FAM98B: variants seen among roughly 807,000 people sequenced by gnomAD.
The protein encoded by FAM98B is tRNA splicing ligase complex subunit 3B.
Under a neutral mutation model 43.9 loss-of-function variants are expected in FAM98B, and 32 were observed. That is an observed-to-expected ratio of 0.73 (90% CI 0.55 to 0.98). The LOEUF (loss-of-function observed/expected upper bound fraction) is 0.98. Ranked by LOEUF, FAM98B falls within the 50% of genes least tolerant of loss-of-function variation. The pLI, the probability that FAM98B is intolerant of heterozygous loss-of-function variation, is 0.00. For synonymous variants in FAM98B, 190 were observed against 174.0 expected (o/e 1.09, Z -0.72); for missense variants, 514 against 522.9 (o/e 0.98, Z 0.17).
At chr15:38,476,882 T>A (rs1275541517) in intron 6 of FAM98B, among the ~76,000 whole-genome samples, 1 of 152,094 alleles carries the variant, frequency 6.6e-6, no homozygotes, top group Non-Finnish European at 1.5e-5. Flanking sequence ...TCCCAGCTAC[T>A]CAGGAGGCTG....
chr15:38,467,835 C>G (rs1425252512), intron 3 of FAM98B, among the ~76,000 whole-genome samples: 1 of 152,074 alleles, frequency 6.6e-6, no homozygotes, highest in East Asian at 1.9e-4. Context: ...GCAGATAAAT[C>G]AAATGTGCTG....
At position 38,474,318 on chromosome 15, in the gene FAM98B, T is replaced by A. The variant is rs567645575; in HGVS notation, c.729+20T>A. Reference sequence around the variant, plus strand: ...GCAAAGGTAAGGCTGTTTTCCCATATGTGTCCTGTAGGTGGTAGCCTATAA... The same window carrying A: ...GCAAAGGTAAGGCTGTTTTCCCATAAGTGTCCTGTAGGTGGTAGCCTATAA... On this transcript the variant is annotated intron_variant, in intron 6 of 7. Transcript: ENST00000397609. 1.8e-5 allele frequency: 28 copies of A among 1,555,882 alleles called. No homozygotes were observed. The South Asian group carries it at 3.1e-4, about 17-fold the overall frequency.
chr15:38,481,668 G>A (rs1213521347), intron 7 of FAM98B: 1 of 1,372,278 alleles, frequency 7.3e-7, no homozygotes, highest in Non-Finnish European at 9.7e-7. Context: ...AGTATTTTCT[G>A]AATTAGAGGA....
intron 7 of FAM98B, 131 bp downstream of exon 7, chr15:38,481,590 C>G (rs760446687): frequency 8.7e-6 from 14 of 1,607,550 alleles, no homozygotes; most frequent in Non-Finnish European, 1.2e-5. Flanking sequence ...GGGGTTCAGT[C>G]TAGGCTTAGT....
chr15:38,459,174 A>T (rs752496269), intron 1 of FAM98B: 24 of 394,752 alleles, frequency 6.1e-5, no homozygotes, highest in Non-Finnish European at 1.0e-4. Context: ...CTCTGTAGGC[A>T]CTGTGAAGCT....
rs1280544664 is a variant in FAM98B at position 38,486,309 on chromosome 15, A to G, written c.*1650A>G. 1 of 152,174 alleles carries G rather than the reference A, an allele frequency of 6.6e-6. No individual in the cohort carries two copies. Among genetic ancestry groups the G allele is most frequent in the Non-Finnish European group, 1.5e-5 (1 of 67,990 alleles). 9.4% of individuals were successfully genotyped at this position (152,174 alleles called of 1,614,324 possible). On this transcript the variant is annotated 3_prime_UTR_variant, in exon 8 of 8. Coordinates refer to ENST00000397609, the MANE Select transcript of FAM98B (RefSeq NM_173611.4). The stretch of plus-strand genomic sequence containing the variant: ...TTTCCATAATTAAGAAAATACCTTT[A>G]TCAGTAGCTATGAACTCTGAAAAAT...
In FAM98B at chr15:38,484,690, T is replaced by G; in HGVS notation, c.*31T>G. ...ATAAAAATTAGATAGCAGTGCTTGC[T>G]TCTTTATAGATACATTAGAAATAGT... On this transcript the variant is annotated 3_prime_UTR_variant, in exon 8 of 8. Transcript: ENST00000397609. 6.7e-7 allele frequency: 1 copy of G among 1,501,028 alleles called. No homozygotes were observed. The highest frequency in any genetic ancestry group is 8.8e-7 in the Non-Finnish European group (1 of 1,133,322). 93.0% of individuals were successfully genotyped at this position (1,501,028 alleles called of 1,614,324 possible). A position where few individuals can be genotyped will look rare whatever the true frequency, so the allele number is the denominator to read the frequency against.
At chr15:38,456,521 A>G (rs192124167) in intron 1 of FAM98B, among the ~76,000 whole-genome samples, 10 of 152,336 alleles carry the variant, frequency 6.6e-5, no homozygotes, top group Admixed American at 3.3e-4. Context: ...TGAGCAAAAT[A>G]GACTTGGTTC....
At chr15:38,471,224 A>G (rs1890126832) in intron 4 of FAM98B, among the ~76,000 whole-genome samples, 1 of 152,092 alleles carries the variant, frequency 6.6e-6, no homozygotes. Context: ...TAATTTATGA[A>G]CTGAAAAATA....
At position 38,486,555 on chromosome 15, in the gene FAM98B, A is replaced by C. The variant is rs1890375375; in HGVS notation, c.*1896A>C. On this transcript the variant is annotated 3_prime_UTR_variant, in exon 8 of 8. Transcript: ENST00000397609. ...TTATCAGTTTCATTAGATTTTCCAT[A>C]AGATTTCTTTGTACCTTTATAGGAG... The C allele has an allele frequency of 6.6e-6, 1 of 152,160 alleles. No homozygotes were observed. Among genetic ancestry groups the C allele is most frequent in the Non-Finnish European group, 1.5e-5 (1 of 67,996 alleles). 9.4% of individuals were successfully genotyped at this position (152,160 alleles called of 1,614,324 possible).
chr15:38,481,335 A>G lies in FAM98B; in HGVS notation c.773A>G (p.Tyr258Cys), dbSNP rs755739118. 3.7e-6 allele frequency: 6 copies of G among 1,614,040 alleles called. No homozygotes were observed. Among genetic ancestry groups the G allele is most frequent in the Non-Finnish European group, 4.2e-6 (5 of 1,180,030 alleles). Residue 258 changes from tyrosine (Y) to cysteine (C), a missense_variant, in exon 7 of 8, where the codon TAT becomes TGT. By Grantham distance (194) the Tyr-to-Cys change is radical. This residue lies in a region of FAM98B where 469 missense variants were observed against 451.8 expected (regional missense o/e 1.04). Transcript: ENST00000397609. ...GCAAGAATTTATCAGCCTAAGCGTTATGCTTTGTCACCCAAGACAACGATT... is the reference window on the plus strand; with the variant it reads ...GCAAGAATTTATCAGCCTAAGCGTTGTGCTTTGTCACCCAAGACAACGATT... The part of the protein sequence containing the change: ...DIARIYQPKR[Y>C]ALSPKTTITM...
intron 4 of FAM98B, among the ~76,000 whole-genome samples, chr15:38,471,209 G>A (rs74562839): frequency 0.02 from 3,012 of 152,056 alleles, 105 homozygotes; most frequent in East Asian, 0.13. Flanking sequence ...TCTCTTTTGC[G>A]TTGATAATTT....
intron 3 of FAM98B, among the ~76,000 whole-genome samples, chr15:38,468,299 G>A (rs28488334): frequency 0.062 from 9,488 of 152,142 alleles, 782 homozygotes; most frequent in African/African-American, 0.19. Context: ...GTGATGGTGC[G>A]ATTGTAGCCC....
At chr15:38,466,652 A>G (rs529368939) in intron 3 of FAM98B, among the ~76,000 whole-genome samples, 27 of 152,196 alleles carry the variant, frequency 1.8e-4, no homozygotes, top group Non-Finnish European at 2.8e-4. Context: ...TAATGGGTAC[A>G]GAGTTTCAGT....
Position 38,474,187 on chromosome 15 carries a change from A to G in FAM98B, c.618A>G (p.Gln206=), listed in dbSNP as rs1330619377. 2 of 1,612,136 alleles carry G rather than the reference A, an allele frequency of 1.2e-6. No individual in the cohort carries two copies. Among genetic ancestry groups the G allele is most frequent in the South Asian group, 2.2e-5 (2 of 90,894 alleles). Residue 206 remains glutamine, a synonymous_variant, in exon 6 of 8, where the codon CAA becomes CAG. Transcript: ENST00000397609. ...KMDLNSEQAE[Q]LERINDALSC... Reference sequence around the variant, plus strand: ...TTTGTTTCCAAATTTTTTAGGAACAACTGGAAAGAATCAATGATGCTCTTT... The same window carrying G: ...TTTGTTTCCAAATTTTTTAGGAACAGCTGGAAAGAATCAATGATGCTCTTT...
At chr15:38,479,385 C>T (rs1175781538) in intron 6 of FAM98B, among the ~76,000 whole-genome samples, 2 of 152,184 alleles carry the variant, frequency 1.3e-5, no homozygotes. Context: ...AGCTACCTCT[C>T]AGCAGTCATT....
At chr15:38,482,056 C>T (rs1890294504) in intron 7 of FAM98B, 1 of 157,736 alleles carries the variant, frequency 6.3e-6, no homozygotes, top group South Asian at 1.8e-4. Context: ...GCTTAACTGG[C>T]ATGTCCTCTT....
chr15:38,470,088 A>G, intron 3 of FAM98B, 139 bp from the exon 4 acceptor site: 2 of 718,636 alleles, frequency 2.8e-6, no homozygotes, highest in Non-Finnish European at 4.3e-6. Flanking sequence ...ACAGTGTTCT[A>G]CAACTGTTGT....
intron 3 of FAM98B, among the ~76,000 whole-genome samples, chr15:38,466,130 T>C (rs1225495043): frequency 6.6e-6 from 1 of 152,116 alleles, no homozygotes; most frequent in Non-Finnish European, 1.5e-5. Context: ...ACGTGACATA[T>C]TCCTCCTAGG....
Sources: gnomAD v4.1 joint callset for allele counts (sites outside exome capture counted in the v4.1 genomes callset) on GRCh38, gnomAD v4.1.1 for gene constraint, gnomAD v4.1.1 regional missense constraint, MANE v1.5 for transcripts, NCBI Gene and HGNC (gene_info 2026-07-23, HGNC 2026-07-21) for gene names.